NDST4: variants seen among roughly 807,000 people sequenced by gnomAD.
NDST4 encodes the protein N-heparan sulfate sulfotransferase 4.
A neutral mutation model predicts 100.8 loss-of-function variants in NDST4; 63 were observed. The observed-to-expected ratio is 0.62, with a 90% CI of 0.51 to 0.77. The LOEUF (loss-of-function observed/expected upper bound fraction) is 0.77. NDST4 is among the 30% of genes least tolerant of loss of function. The pLI, the probability that NDST4 is intolerant of heterozygous loss-of-function variation, is 0.00. For synonymous variants in NDST4, 377 were observed against 361.8 expected (o/e 1.04, Z -0.48); for missense variants, 943 against 1,018.4 (o/e 0.93, Z 1.01).
At chr4:114,853,171 T>G (rs184415435) in intron 7 of NDST4, among the ~76,000 whole-genome samples, 4 of 152,228 alleles carry the variant, frequency 2.6e-5, no homozygotes, top group Non-Finnish European at 2.9e-5. Context: ...ATTACTGTGT[T>G]CTCCCTAATC....
intron 7 of NDST4, among the ~76,000 whole-genome samples, chr4:114,863,755 G>A (rs1017626267): frequency 5.9e-5 from 9 of 152,184 alleles, no homozygotes; most frequent in Non-Finnish European, 1.3e-4. Flanking sequence ...TGATGCACAT[G>A]GTTTGTATTT....
intron 1 of NDST4, among the ~76,000 whole-genome samples, chr4:115,107,739 A>G (rs1264038745): frequency 1.3e-5 from 2 of 152,080 alleles, no homozygotes; most frequent in African/African-American, 4.8e-5. Flanking sequence ...AGTAACTTGC[A>G]TGGTGCCTGA....
intron 6 of NDST4, among the ~76,000 whole-genome samples, chr4:114,908,169 T>A (rs1279082765): frequency 3.9e-5 from 6 of 152,124 alleles, no homozygotes; most frequent in Non-Finnish European, 8.8e-5. Context: ...GCAATATAAA[T>A]AAATTCTGAC....
At chr4:115,029,571 A>G (rs997420890) in intron 2 of NDST4, among the ~76,000 whole-genome samples, 24 of 152,074 alleles carry the variant, frequency 1.6e-4, no homozygotes, top group African/African-American at 5.1e-4. Context: ...GAGAGAAAGG[A>G]AGGAGTAAGC....
intron 3 of NDST4, among the ~76,000 whole-genome samples, chr4:114,973,911 T>G (rs1299043136): frequency 6.6e-6 from 1 of 151,864 alleles, no homozygotes; most frequent in Non-Finnish European, 1.5e-5. Context: ...AACTACTTTT[T>G]AATATTATAC....
chr4:114,900,696 A>G (rs1413477816), intron 6 of NDST4, among the ~76,000 whole-genome samples: 1 of 152,128 alleles, frequency 6.6e-6, no homozygotes, highest in Non-Finnish European at 1.5e-5. Flanking sequence ...GATACATTCT[A>G]TAACATTCAC....
intron 2 of NDST4, among the ~76,000 whole-genome samples, chr4:114,988,615 C>G (rs568992098): frequency 1.1e-4 from 16 of 152,054 alleles, no homozygotes; most frequent in Admixed American, 5.9e-4. Flanking sequence ...CCCACCTTGG[C>G]CTCCCAAAGT....
In NDST4 at chr4:114,980,822, A is replaced by T. The variant is rs566448480; in HGVS notation, c.979-3548T>A. Among the ~76,000 whole-genome samples the T allele has an allele frequency of 3.9e-4, 59 of 152,250 alleles. 2 individuals are homozygous for T. The South Asian group carries it at 0.012, about 31-fold the overall frequency. On this transcript the variant is annotated intron_variant, in intron 2 of 13. Transcript: ENST00000264363. ...GTTGATTGTATATTAAAGAGAATAAATATGTAACTTATTTATAAAAATCAA... is the reference window on the plus strand; with the variant it reads ...GTTGATTGTATATTAAAGAGAATAATTATGTAACTTATTTATAAAAATCAA...
At chr4:114,925,106 G>A (rs951914359) in intron 6 of NDST4, among the ~76,000 whole-genome samples, 6 of 151,896 alleles carry the variant, frequency 4.0e-5, no homozygotes, top group Admixed American at 1.3e-4. Context: ...ATATATAATT[G>A]CTTTGTTCTC....
At chr4:114,859,434 A>G (rs1304244035) in intron 7 of NDST4, among the ~76,000 whole-genome samples, 1 of 152,212 alleles carries the variant, frequency 6.6e-6, no homozygotes, top group Non-Finnish European at 1.5e-5. Context: ...AGTTTATAGA[A>G]TCATGAGAAA....
At chr4:114,844,698 T>C (rs1450761281) in intron 10 of NDST4, among the ~76,000 whole-genome samples, 2 of 152,254 alleles carry the variant, frequency 1.3e-5, no homozygotes, top group Non-Finnish European at 2.9e-5. Flanking sequence ...TTTTAATTAC[T>C]ATTTTATTAA....
At chr4:114,913,459 C>T (rs551089220) in intron 6 of NDST4, among the ~76,000 whole-genome samples, 1 of 151,958 alleles carries the variant, frequency 6.6e-6, no homozygotes, top group African/African-American at 2.4e-5. Context: ...ACCTAGACTT[C>T]AACATTTTGA....
Position 115,059,905 on chromosome 4 carries a change from T to C in NDST4, c.978+16154A>G, listed in dbSNP as rs1728782910. ...TTACTAGGTTAGCTTTCTCTAAAGC[T>C]TCAGTATAGGAACTAATTGGCATCT... On this transcript the variant is annotated intron_variant, in intron 2 of 13. Transcript: ENST00000264363. Among the ~76,000 whole-genome samples the C allele has an allele frequency of 3.3e-5, 5 of 151,604 alleles. No individual in the cohort carries two copies. In the South Asian group the frequency reaches 8.3e-4, roughly 25 times the overall value.
chr4:114,835,066 T>G (rs1261357165), intron 11 of NDST4, among the ~76,000 whole-genome samples: 1 of 152,182 alleles, frequency 6.6e-6, no homozygotes, highest in African/African-American at 2.4e-5. Flanking sequence ...AAAAACCAGC[T>G]CTTGGATTCA....
intron 2 of NDST4, among the ~76,000 whole-genome samples, chr4:115,065,644 CA>C (rs1343290721): frequency 1.3e-5 from 2 of 152,056 alleles, no homozygotes; most frequent in Non-Finnish European, 2.9e-5. Flanking sequence ...TTGGTCTCCT[CA>C]AAACAACTCC....
intron 8 of NDST4, 60 bp from the exon 9 acceptor site, chr4:114,848,398 G>T: frequency 1.6e-6 from 2 of 1,284,858 alleles, no homozygotes; most frequent in Admixed American, 2.5e-5. Flanking sequence ...TATTATTTTA[G>T]CATATTTTTG....
chr4:114,909,226 A>T (rs561480820), intron 6 of NDST4, among the ~76,000 whole-genome samples: 9 of 152,318 alleles, frequency 5.9e-5, no homozygotes, highest in Admixed American at 3.3e-4. Flanking sequence ...TTAAAAAGTT[A>T]ATGTTTTCTC....
intron 2 of NDST4, among the ~76,000 whole-genome samples, chr4:115,023,946 T>C (rs1727921265): frequency 6.7e-6 from 1 of 149,722 alleles, no homozygotes; most frequent in South Asian, 2.1e-4. Context: ...GTGCAATGCT[T>C]CTTGACCAGC....
chr4:115,042,157 A>G (rs1412574004), intron 2 of NDST4, among the ~76,000 whole-genome samples: 2 of 152,148 alleles, frequency 1.3e-5, no homozygotes, highest in Non-Finnish European at 2.9e-5. Flanking sequence ...GTTTTAAACT[A>G]CATGTCATTC....
Sources: allele counts gnomAD v4.1 joint callset (sites outside exome capture counted in the v4.1 genomes callset), GRCh38; gene constraint gnomAD v4.1.1; transcripts MANE v1.5; gene names NCBI Gene and HGNC (gene_info 2026-07-23, HGNC 2026-07-21).